The following NR6A1 variants were observed in gnomAD, a reference collection of about 807,000 sequenced individuals.
NR6A1 encodes nuclear receptor subfamily 6 group A member 1.
NR6A1 carries 7 observed loss-of-function variants against 59.1 expected under a neutral mutation model. The ratio of observed to expected loss-of-function variants is 0.12; its 90% confidence interval spans 0.07 to 0.22. The LOEUF is 0.22. NR6A1 is among the 10% of genes least tolerant of loss of function. NR6A1 has a pLI of 1.00. For synonymous variants in NR6A1, 243 were observed against 236.1 expected, an observed-to-expected ratio of 1.03 and a Z score of -0.27; for missense variants, 468 against 611.6, an observed-to-expected ratio of 0.77 and a Z score of 2.48.
At chr9:124,754,687 T>C (rs896990558) in intron 1 of NR6A1, among the ~76,000 whole-genome samples, 1 of 152,224 alleles carries the variant, frequency 6.6e-6, no homozygotes, top group East Asian at 1.9e-4. Context: ...CTGTCTTTTA[T>C]TGAATGGAAT....
At chr9:124,742,800 C>T (rs374103439) in intron 1 of NR6A1, among the ~76,000 whole-genome samples, 111 of 152,128 alleles carry the variant, frequency 7.3e-4, no homozygotes, top group African/African-American at 2.4e-3. Flanking sequence ...CACGTGAACC[C>T]GGGAAGTAGA....
chr9:124,559,406 T>C (rs1158355669), intron 2 of NR6A1, among the ~76,000 whole-genome samples: 1 of 152,216 alleles, frequency 6.6e-6, no homozygotes, highest in Non-Finnish European at 1.5e-5. Context: ...CCCTGAATAA[T>C]GTGTTCACGG....
intron 2 of NR6A1, among the ~76,000 whole-genome samples, chr9:124,617,149 T>C (rs891975080): frequency 2.0e-5 from 3 of 152,182 alleles, no homozygotes; most frequent in African/African-American, 7.2e-5. Context: ...AATCTGCAAG[T>C]CACTCATTCT....
At chr9:124,764,860 G>C (rs1840887132) in intron 1 of NR6A1, among the ~76,000 whole-genome samples, 1 of 152,158 alleles carries the variant, frequency 6.6e-6, no homozygotes, top group Admixed American at 6.5e-5. Context: ...TTGTTTCCCT[G>C]AATACATTAC....
intron 1 of NR6A1, among the ~76,000 whole-genome samples, chr9:124,769,142 T>C (rs965171394): frequency 6.6e-6 from 1 of 152,128 alleles, no homozygotes; most frequent in Non-Finnish European, 1.5e-5. Flanking sequence ...GCTTCCCCCT[T>C]TGTGACACGG....
At chr9:124,716,962 C>T (rs924920519) in intron 2 of NR6A1, among the ~76,000 whole-genome samples, 1 of 152,144 alleles carries the variant, frequency 6.6e-6, no homozygotes, top group Non-Finnish European at 1.5e-5. Flanking sequence ...AAGATTTGAA[C>T]ACTTTTAAGA....
At chr9:124,767,809 T>C (rs533568241) in intron 1 of NR6A1, among the ~76,000 whole-genome samples, 4 of 152,388 alleles carry the variant, frequency 2.6e-5, no homozygotes, top group Admixed American at 6.5e-5. Context: ...ACATAAAATA[T>C]GCTTTTAATT....
At chr9:124,618,073 G>C (rs2130855442) in intron 2 of NR6A1, among the ~76,000 whole-genome samples, 1 of 152,308 alleles carries the variant, frequency 6.6e-6, no homozygotes, top group East Asian at 1.9e-4. Context: ...AGAAAGAATG[G>C]AAAGGGCAAA....
intron 2 of NR6A1, among the ~76,000 whole-genome samples, chr9:124,650,112 C>G (rs991091431): frequency 1.3e-5 from 2 of 152,008 alleles, no homozygotes; most frequent in African/African-American, 2.4e-5. Flanking sequence ...AAAGGAAATC[C>G]GTATATCAAA....
At position 124,724,840 on chromosome 9, in the gene NR6A1, T is replaced by C. The variant is rs79404503; in HGVS notation, c.142+8468A>G. On this transcript the variant is annotated intron_variant, in intron 2 of 9. Coordinates refer to ENST00000487099, the MANE Select transcript of NR6A1 (RefSeq NM_033334.4). ...TTTATTATGTGCTGTTTACAATCCCTGAGAGGCATGAAAGGAATTAATAAT... is the reference window on the plus strand; with the variant it reads ...TTTATTATGTGCTGTTTACAATCCCCGAGAGGCATGAAAGGAATTAATAAT... Among the ~76,000 whole-genome samples the C allele has an allele frequency of 0.01, 1,535 of 152,302 alleles. 66 individuals are homozygous for C. The East Asian group carries it at 0.15, about 15-fold the overall frequency.
chr9:124,669,358 C>A lies in NR6A1; in HGVS notation c.142+63950G>T, dbSNP rs185080325. 1.6e-3 allele frequency among the ~76,000 whole-genome samples: 248 copies of A among 152,088 alleles called. 3 individuals carry two copies. The highest frequency in any genetic ancestry group is 0.011 in the South Asian group (53 of 4,820). ...ATTCTTATCAAGGTAAACAAATAAC[C>A]AAAAATGGCATTTATTCAACAAATA... On this transcript the variant is annotated intron_variant, in intron 2 of 9. Coordinates refer to ENST00000487099, the MANE Select transcript of NR6A1 (RefSeq NM_033334.4).
chr9:124,524,386 A>C (rs1832872293), intron 9 of NR6A1, among the ~76,000 whole-genome samples: 1 of 152,200 alleles, frequency 6.6e-6, no homozygotes, highest in Admixed American at 6.5e-5. Context: ...CAATTCAAGA[A>C]ATTAAGTTAA....
chr9:124,542,165 T>C (rs913845538), intron 4 of NR6A1, among the ~76,000 whole-genome samples: 3 of 152,266 alleles, frequency 2.0e-5, no homozygotes, highest in African/African-American at 7.2e-5. Context: ...GTAGATTTCA[T>C]GTTATATGGT....
intron 1 of NR6A1, among the ~76,000 whole-genome samples, chr9:124,752,327 AGT>A (rs1178207772): frequency 6.6e-6 from 1 of 152,200 alleles, no homozygotes; most frequent in Non-Finnish European, 1.5e-5. Context: ...TTATTCAAAA[AGT>A]TTTAAAGATA....
rs1486219342 is a variant in NR6A1, at chr9:124,588,934, G to GA, written c.143-34365dup. 4.3e-3 allele frequency among the ~76,000 whole-genome samples: 475 copies of GA among 110,014 alleles called. 5 individuals are homozygous for GA. Among genetic ancestry groups the GA allele is most frequent in the African/African-American group, 0.011 (255 of 23,816 alleles). 72.2% of individuals were successfully genotyped at this position (110,014 alleles called of 152,430 possible). On this transcript the variant is annotated intron_variant, in intron 2 of 9. Transcript: ENST00000487099. ...GACTCTGTCTCAAAAAAAAAAAAAA[G>GA]AAAGAAAAAAAAAACAGTATAATGT...
At chr9:124,629,717 T>C (rs1349176810) in intron 2 of NR6A1, among the ~76,000 whole-genome samples, 6 of 152,218 alleles carry the variant, frequency 3.9e-5, no homozygotes, top group Admixed American at 3.3e-4. Context: ...CCTGTCATCT[T>C]AGCACATCGT....
intron 2 of NR6A1, among the ~76,000 whole-genome samples, chr9:124,669,722 G>C (rs113219007): frequency 2.0e-5 from 3 of 152,240 alleles, no homozygotes; most frequent in African/African-American, 7.2e-5. Flanking sequence ...AGAGGAATTC[G>C]AGTAGCTAAG....
intron 2 of NR6A1, among the ~76,000 whole-genome samples, chr9:124,732,665 A>G (rs1839918240): frequency 6.6e-6 from 1 of 152,184 alleles, no homozygotes; most frequent in Admixed American, 6.5e-5. Flanking sequence ...TTGTGAGTAT[A>G]CAGTTGTCCA....
chr9:124,655,674 C>T (rs889057738), intron 2 of NR6A1, among the ~76,000 whole-genome samples: 2 of 152,116 alleles, frequency 1.3e-5, no homozygotes, highest in Non-Finnish European at 2.9e-5. Context: ...TAGGTGTCAT[C>T]CAGGAAGGCT....
Sources: gnomAD v4.1 joint callset for allele counts (sites outside exome capture counted in the v4.1 genomes callset) on GRCh38, gnomAD v4.1.1 for gene constraint, MANE v1.5 for transcripts, NCBI Gene and HGNC (gene_info 2026-07-23, HGNC 2026-07-21) for gene names.